KIF21A: variants seen among roughly 807,000 people sequenced by gnomAD.
KIF21A encodes the protein kinesin family member 21A.
In KIF21A, 114 loss-of-function variants were observed where a neutral mutation model predicts 202.9. The ratio of observed to expected loss-of-function variants is 0.56; its 90% CI spans 0.48 to 0.66. The LOEUF (loss-of-function observed/expected upper bound fraction) is 0.66. KIF21A is among the 30% of genes least tolerant of loss of function. The pLI is 0.00. For missense variants in KIF21A, 1,677 were observed against 1,994.9 expected, an observed-to-expected ratio of 0.84 and a Z score of 3.04; for synonymous variants, 667 against 670.8, an observed-to-expected ratio of 0.99 and a Z score of 0.09.
At position 39,311,438 on chromosome 12, in the gene KIF21A, G is replaced by A. The variant is rs748495397; in HGVS notation, c.4075C>T (p.Leu1359Phe). 5 of 1,612,992 alleles carry A rather than the reference G, an allele frequency of 3.1e-6. No homozygotes were observed. The highest frequency in any genetic ancestry group is 4.2e-6 in the Non-Finnish European group (5 of 1,179,134). Residue 1359 changes from leucine to phenylalanine, a missense_variant, in exon 32 of 38, where the codon CTC (leucine) becomes TTC (phenylalanine). Coordinates refer to ENST00000361418, the MANE Select transcript of KIF21A (RefSeq NM_001173464.2). ...GCACCTTTTGATCCAGTGAAGAGGAGATCATCAGTAGAATCCACACAGAGC... is the reference window on the plus strand; with the variant it reads ...GCACCTTTTGATCCAGTGAAGAGGAAATCATCAGTAGAATCCACACAGAGC... ...AVLCVDSTDD[L>F]LFTGSKDRTC...
chr12:39,433,861 A>G lies in KIF21A; in HGVS notation c.44+9066T>C, dbSNP rs149576919. Among the ~76,000 whole-genome samples, 72 of 152,376 alleles carry G rather than the reference A, an allele frequency of 4.7e-4. 1 individual carries two copies. In the East Asian group the frequency reaches 0.012, roughly 25 times the overall value. ...GAATAAGGATCTTGGAAGTATTTATATATACTGTTATATCACTTATAGTGG... is the reference window on the plus strand; with the variant it reads ...GAATAAGGATCTTGGAAGTATTTATGTATACTGTTATATCACTTATAGTGG... On this transcript the variant is annotated intron_variant, in intron 1 of 37. Coordinates refer to ENST00000361418, the MANE Select transcript of KIF21A (RefSeq NM_001173464.2).
chr12:39,358,347 C>T lies in KIF21A; in HGVS notation c.1046G>A (p.Ser349Asn). The change falls in exon 8 of 38, where the codon AGC becomes AAC. Residue 349 changes from serine to asparagine, a missense_variant. By Grantham distance (46) the Ser-to-Asn change is conservative. Transcript: ENST00000361418. ...NSQTIMIACV[S>N]PSDRDFMETL... is the part of the protein sequence containing the mutation. The stretch of plus-strand genomic sequence containing the variant: ...TTCCATAAAGTCTCTGTCTGAAGGG[C>T]TGACACATGCTATCATGATTGTTTG... 1.2e-6 allele frequency: 2 copies of T among 1,614,030 alleles called. No homozygotes were observed. Among genetic ancestry groups the T allele is most frequent in the Non-Finnish European group, 1.7e-6 (2 of 1,179,944 alleles).
At chr12:39,371,481 G>T (rs1178630554) in intron 1 of KIF21A, among the ~76,000 whole-genome samples, 1 of 152,096 alleles carries the variant, frequency 6.6e-6, no homozygotes, top group African/African-American at 2.4e-5. Flanking sequence ...GTTCATAACA[G>T]AACAAACCAA....
At position 39,307,632 on chromosome 12, in the gene KIF21A, G is replaced by C. The variant is rs548227296; in HGVS notation, c.4375C>G (p.Leu1459Val). The part of the protein sequence containing the change: ...SGENQINQIA[L>V]NPTGTFLYAA... ...TAGAGGAAGGTGCCAGTTGGGTTTA[G>C]GGCAATTTGATTGATCTGGTTCTCT... Residue 1459 changes from leucine (L) to valine (V), a missense_variant, in exon 34 of 38, where the codon CTA becomes GTA. Leu to Val is a conservative substitution (Grantham distance 32). This residue lies in a region of KIF21A where 705 missense variants were observed against 791.9 expected (regional missense o/e 0.89). Coordinates refer to ENST00000361418, the MANE Select transcript of KIF21A (RefSeq NM_001173464.2). The C allele has an allele frequency of 1.4e-5, 22 of 1,614,062 alleles. No individual in the cohort carries two copies. The highest frequency in any genetic ancestry group is 1.9e-5 in the Non-Finnish European group (22 of 1,179,946).
At chr12:39,335,142 C>T (rs1424219468) in intron 17 of KIF21A, among the ~76,000 whole-genome samples, 1 of 152,080 alleles carries the variant, frequency 6.6e-6, no homozygotes. Context: ...AAGCCAGACA[C>T]AGCTGGGTGC....
At chr12:39,394,828 TG>T (rs932034254) in intron 1 of KIF21A, among the ~76,000 whole-genome samples, 3 of 152,132 alleles carry the variant, frequency 2.0e-5, no homozygotes, top group African/African-American at 7.2e-5. Context: ...AAAGAAGGGA[TG>T]GGGGGCGGGG....
chr12:39,340,896 T>C lies in KIF21A; in HGVS notation c.2110+10A>G, dbSNP rs1295432001. On this transcript the variant is annotated intron_variant, in intron 15 of 37. Transcript: ENST00000361418. ...CTTGAACTTTCATTTGAATTAAATA[T>C]AATTCTTACCTAAGTTTTGAAGCAC... is the stretch of plus-strand genomic sequence containing the variant. 7 of 1,583,944 alleles carry C rather than the reference T, an allele frequency of 4.4e-6. No individual in the cohort carries two copies. The highest frequency in any genetic ancestry group is 5.2e-6 in the Non-Finnish European group (6 of 1,153,544).
chr12:39,389,967 A>T (rs960565268), intron 1 of KIF21A, among the ~76,000 whole-genome samples: 14 of 152,148 alleles, frequency 9.2e-5, no homozygotes, highest in Non-Finnish European at 1.9e-4. Context: ...TTCTTCCCAC[A>T]CTACCCCACA....
chr12:39,343,338 C>G (rs1036215236), intron 12 of KIF21A, among the ~76,000 whole-genome samples: 18 of 151,714 alleles, frequency 1.2e-4, no homozygotes, highest in African/African-American at 4.1e-4. Context: ...CTAGCCCGGG[C>G]AACAGAGCGA....
intron 33 of KIF21A, 126 bp from the exon 34 acceptor site, chr12:39,307,855 T>A: frequency 2.7e-6 from 2 of 740,948 alleles, no homozygotes; most frequent in South Asian, 3.0e-5. Flanking sequence ...TCACTATATG[T>A]ATACTACCTA....
chr12:39,310,487 T>G (rs1943921436), intron 32 of KIF21A, among the ~76,000 whole-genome samples: 1 of 152,050 alleles, frequency 6.6e-6, no homozygotes. Context: ...AAACTTTCAC[T>G]AGCTCCCTGA....
chr12:39,374,970 T>C (rs759578362), intron 1 of KIF21A, among the ~76,000 whole-genome samples: 4 of 152,138 alleles, frequency 2.6e-5, no homozygotes, highest in African/African-American at 4.8e-5. Context: ...ATTATTCCTA[T>C]CGTATAACAA....
chr12:39,346,572 G>A (rs773365427), intron 11 of KIF21A, 68 bp from the exon 12 acceptor site: 11 of 1,114,054 alleles, frequency 9.9e-6, no homozygotes, highest in Middle Eastern at 2.1e-4. Flanking sequence ...AGTAAAAAGC[G>A]AAAGTGATAA....
intron 1 of KIF21A, among the ~76,000 whole-genome samples, chr12:39,378,317 A>G (rs183413145): frequency 6.4e-4 from 97 of 152,284 alleles, no homozygotes; most frequent in Middle Eastern, 3.4e-3. Flanking sequence ...ACATTGTGCC[A>G]CTCTGTTGAA....
chr12:39,429,934 A>G (rs952715965), intron 1 of KIF21A, among the ~76,000 whole-genome samples: 1 of 152,172 alleles, frequency 6.6e-6, no homozygotes, highest in African/African-American at 2.4e-5. Flanking sequence ...ACATTCTAAC[A>G]ATCTTAACAA....
intron 31 of KIF21A, among the ~76,000 whole-genome samples, chr12:39,313,642 G>A (rs563409017): frequency 2.0e-5 from 3 of 151,808 alleles, no homozygotes. Flanking sequence ...GGGAGAAGTG[G>A]CATGCTTATT....
chr12:39,318,976 G>A (rs1236382266), intron 28 of KIF21A, among the ~76,000 whole-genome samples: 27 of 147,580 alleles, frequency 1.8e-4, no homozygotes, highest in Admixed American at 1.2e-3. Flanking sequence ...GCGAGACTCC[G>A]TCTCAAAAAA....
At chr12:39,375,825 ACT>A (rs879276074) in intron 1 of KIF21A, among the ~76,000 whole-genome samples, 2 of 152,046 alleles carry the variant, frequency 1.3e-5, no homozygotes, top group Non-Finnish European at 2.9e-5. Flanking sequence ...TTGGCAAGTC[ACT>A]CTCTCAGCCT....
At chr12:39,393,863 A>G (rs1473392422) in intron 1 of KIF21A, among the ~76,000 whole-genome samples, 1 of 152,200 alleles carries the variant, frequency 6.6e-6, no homozygotes, top group African/African-American at 2.4e-5. Context: ...ATTTCATGTA[A>G]TGTCATTTAA....
Sources: gnomAD v4.1 joint callset for allele counts (sites outside exome capture counted in the v4.1 genomes callset) on GRCh38, gnomAD v4.1.1 for gene constraint, gnomAD v4.1.1 regional missense constraint, MANE v1.5 for transcripts, NCBI Gene and HGNC (gene_info 2026-07-23, HGNC 2026-07-21) for gene names.